Variants in TNRC6C observed in about 807,000 individuals in gnomAD.
TNRC6C encodes the protein trinucleotide repeat-containing gene 6C protein.
TNRC6C carries 20 observed loss-of-function variants against 153.7 expected under a neutral mutation model. The ratio of observed to expected loss-of-function variants is 0.13; its 90% CI spans 0.09 to 0.19. TNRC6C has a LOEUF of 0.19. TNRC6C is among the 10% of genes least tolerant of loss of function. The pLI is 1.00. For synonymous variants in TNRC6C, 811 were observed against 841.4 expected (o/e 0.96, Z 0.63); for missense variants, 1,987 against 2,172.0 (o/e 0.91, Z 1.69).
chr17:78,093,501 C>T, intron 15 of TNRC6C, 119 bp from the exon 18 acceptor site: 1 of 1,266,696 alleles, frequency 7.9e-7, no homozygotes, highest in South Asian at 1.5e-5. Context: ...AGGTGTACCT[C>T]TAATTTAATT....
chr17:77,961,754 G>GT (rs1195971604), intron 1 of TNRC6C, among the ~76,000 whole-genome samples: 1 of 152,206 alleles, frequency 6.6e-6, no homozygotes, highest in Non-Finnish European at 1.5e-5. Flanking sequence ...GATTGTGAAG[G>GT]TAGAGTGGAA....
intron 1 of TNRC6C, among the ~76,000 whole-genome samples, chr17:78,021,685 T>C (rs539241145): frequency 2.0e-5 from 3 of 152,200 alleles, no homozygotes; most frequent in Non-Finnish European, 4.4e-5. Flanking sequence ...TTATTCTGCC[T>C]CAGCCTCCCA....
upstream of TNRC6C, among the ~76,000 whole-genome samples, chr17:77,999,583 GT>G (rs1462921164): frequency 6.6e-6 from 1 of 152,182 alleles, no homozygotes; most frequent in East Asian, 1.9e-4. Flanking sequence ...ACCTGGTTTA[GT>G]TTGCTATGCT....
chr17:78,005,622 A>G (rs1209845396), intron 1 of TNRC6C, among the ~76,000 whole-genome samples: 1 of 152,208 alleles, frequency 6.6e-6, no homozygotes, highest in African/African-American at 2.4e-5. Flanking sequence ...GAGATTCAGA[A>G]TGAACAAACT....
At chr17:78,050,884 C>T (rs1217094432) in exon 3 of TNRC6C, 3 of 1,613,786 alleles carry the variant, frequency 1.9e-6, no homozygotes, top group East Asian at 2.2e-5. Context: ...TGTCCTTGGA[C>T]ACTTGGGGGA....
intron 1 of TNRC6C, among the ~76,000 whole-genome samples, chr17:78,029,163 C>T (rs1190332098): frequency 6.6e-6 from 1 of 152,210 alleles, no homozygotes; most frequent in African/African-American, 2.4e-5. Flanking sequence ...CCCAGTAAAT[C>T]TGGCAGAGTG....
chr17:78,069,736 T>C (rs1272917042), intron 5 of TNRC6C, among the ~76,000 whole-genome samples: 3 of 152,166 alleles, frequency 2.0e-5, no homozygotes, highest in African/African-American at 7.2e-5. Context: ...TGTATTGATA[T>C]GAAAAGATCA....
chr17:78,022,289 T>G (rs2071849585), intron 1 of TNRC6C, among the ~76,000 whole-genome samples: 1 of 152,228 alleles, frequency 6.6e-6, no homozygotes. Context: ...AGATATAAGA[T>G]TGACTACACA....
chr17:77,965,751 A>C (rs1375476189), intron 1 of TNRC6C, among the ~76,000 whole-genome samples: 1 of 152,158 alleles, frequency 6.6e-6, no homozygotes, highest in Admixed American at 6.5e-5. Flanking sequence ...GTTGACAAAA[A>C]CCTAAGGTAA....
rs372104877 is a variant in TNRC6C, at chr17:78,084,337, A to G, written c.3477+1171A>G. Among the ~76,000 whole-genome samples the G allele has an allele frequency of 2.6e-5, 4 of 151,846 alleles. No individual in the cohort carries two copies. In the East Asian group the frequency reaches 7.7e-4, roughly 29 times the overall value. On this transcript the variant is annotated intron_variant, in intron 11 of 19. Coordinates refer to ENST00000301624, the Ensembl canonical transcript of TNRC6C. The stretch of plus-strand genomic sequence containing the variant: ...ATCATGAAGGAGAAAAAAAAAAAAA[A>G]AAGAATGGGAACTCCAAAAGACAGA...
chr17:78,029,011 G>C (rs536939107), intron 1 of TNRC6C, among the ~76,000 whole-genome samples: 2 of 152,100 alleles, frequency 1.3e-5, no homozygotes, highest in Non-Finnish European at 2.9e-5. Context: ...CCTATTATTA[G>C]GTTATCACCC....
intron 2 of TNRC6C, among the ~76,000 whole-genome samples, chr17:78,032,147 GA>G (rs1431092277): frequency 7.2e-5 from 11 of 152,212 alleles, no homozygotes; most frequent in African/African-American, 2.7e-4. Flanking sequence ...TTAGAACCCA[GA>G]AGTGAAAACT....
In TNRC6C at chr17:78,052,216, G is replaced by C. The variant is rs150252046; in HGVS notation, c.2395+759G>C. ...CTCTGGGAGTGTGAATACTAGCCCA[G>C]AGTGGAGGAGGGCTGGCTAGGAGCA... On this transcript the variant is annotated intron_variant, in intron 3 of 19. Coordinates refer to ENST00000301624, the Ensembl canonical transcript of TNRC6C. 1.3e-3 allele frequency among the ~76,000 whole-genome samples: 203 copies of C among 152,328 alleles called. 5 individuals are homozygous for C. In the South Asian group the frequency reaches 0.018, roughly 14 times the overall value.
chr17:78,045,491 G>C (rs143314740), intron 2 of TNRC6C, among the ~76,000 whole-genome samples: 1 of 152,168 alleles, frequency 6.6e-6, no homozygotes, highest in Admixed American at 6.5e-5. Flanking sequence ...AGTAGGCGGC[G>C]TCATTGTAGT....
chr17:77,999,224 G>C (rs2071375132), upstream of TNRC6C, among the ~76,000 whole-genome samples: 1 of 152,242 alleles, frequency 6.6e-6, no homozygotes, highest in Non-Finnish European at 1.5e-5. Context: ...GATACGTCCA[G>C]CTCACAGGTG....
At chr17:77,980,955 GTTTGT>G (rs1318280450) in intron 1 of TNRC6C, among the ~76,000 whole-genome samples, 1 of 152,016 alleles carries the variant, frequency 6.6e-6, no homozygotes, top group African/African-American at 2.4e-5. Flanking sequence ...ATCCTTTTGG[GTTTGT>G]TTTGTTTTGT....
chr17:77,990,807 T>C (rs1214122526), intron 1 of TNRC6C, among the ~76,000 whole-genome samples: 1 of 152,192 alleles, frequency 6.6e-6, no homozygotes, highest in Non-Finnish European at 1.5e-5. Flanking sequence ...CAATTTGTCT[T>C]CCATTATCTA....
Position 78,049,213 on chromosome 17 carries a change from G to GTGT in TNRC6C, c.152_154dup (p.Val51_Trp52insLeu). On this transcript the variant is annotated inframe_insertion, in exon 3 of 20. Coordinates refer to ENST00000301624, the Ensembl canonical transcript of TNRC6C. The surrounding 1 kb of genome is among the most constrained non-coding windows in gnomAD (Gnocchi z 4.1). ...GAACAGTAATGGAAGTGCGGCCAGAGTGTGGGGTGTAGCCACAGGCTCCAG... is the reference window on the plus strand; with the variant it reads ...GAACAGTAATGGAAGTGCGGCCAGAGTGTTGTGGGGTGTAGCCACAGGCTCCAG... The GTGT allele has an allele frequency of 6.2e-7, 1 of 1,613,054 alleles. No homozygotes were observed. The highest frequency in any genetic ancestry group is 8.5e-7 in the Non-Finnish European group (1 of 1,179,450).
At chr17:78,076,226 AG>A (rs1278590135) in intron 8 of TNRC6C, among the ~76,000 whole-genome samples, 1 of 139,200 alleles carries the variant, frequency 7.2e-6, no homozygotes, top group African/African-American at 2.8e-5. Context: ...AAAAAAAAAA[AG>A]AAAAAGAAAA....
Sources: gnomAD v4.1 joint callset for allele counts (sites outside exome capture counted in the v4.1 genomes callset) on GRCh38, gnomAD v4.1.1 for gene constraint, Gnocchi (gnomAD v3.1) non-coding constraint, MANE v1.5 for transcripts, NCBI Gene and HGNC (gene_info 2026-07-23, HGNC 2026-07-21) for gene names.